Variants in NAALADL2 observed in about 807,000 individuals in gnomAD.
The protein encoded by NAALADL2 is N-acetylated alpha-linked acidic dipeptidase like 2.
Under a neutral mutation model 87.2 loss-of-function variants are expected in NAALADL2, and 76 were observed. That is an observed-to-expected ratio of 0.87 (90% CI 0.72 to 1.05). The LOEUF (loss-of-function observed/expected upper bound fraction) is 1.05, where lower values mean the gene tolerates loss of function less well. NAALADL2 is among the 50% of genes least tolerant of loss of function. NAALADL2 has a pLI of 0.00. For synonymous variants in NAALADL2, 354 were observed against 331.0 expected (o/e 1.07, Z -0.75); for missense variants, 1,089 against 945.8 (o/e 1.15, Z -1.99).
chr3:174,794,582 G>A (rs12630255), intron 3 of NAALADL2, among the ~76,000 whole-genome samples: 40,786 of 151,926 alleles, frequency 0.27, 5,801 homozygotes, highest in East Asian at 0.44. Context: ...TTTAAGTTTT[G>A]CCATCAAAGA....
At chr3:174,481,459 CTAGA>C in intron 1 of NAALADL2, among the ~76,000 whole-genome samples, 1 of 151,946 alleles carries the variant, frequency 6.6e-6, no homozygotes, top group Admixed American at 6.6e-5. Flanking sequence ...ATAAGAAATG[CTAGA>C]TAGCTCACAA....
chr3:175,296,718 T>G (rs1454052717), intron 4 of NAALADL2, among the ~76,000 whole-genome samples: 2 of 152,196 alleles, frequency 1.3e-5, no homozygotes, highest in Admixed American at 6.5e-5. Context: ...TTGAATATGC[T>G]CACGGTAAAA....
chr3:175,731,392 G>A (rs1743721497), intron 11 of NAALADL2, among the ~76,000 whole-genome samples: 1 of 152,142 alleles, frequency 6.6e-6, no homozygotes, highest in Non-Finnish European at 1.5e-5. Flanking sequence ...ACTGTTAACT[G>A]TTCTCAGTGA....
At chr3:175,457,570 A>T (rs1722501970) in intron 6 of NAALADL2, among the ~76,000 whole-genome samples, 1 of 152,046 alleles carries the variant, frequency 6.6e-6, no homozygotes. Context: ...CTGTCACTGC[A>T]GTGCAGTGGC....
intron 7 of NAALADL2, among the ~76,000 whole-genome samples, chr3:175,464,209 T>G (rs1448647516): frequency 2.6e-5 from 4 of 152,190 alleles, no homozygotes; most frequent in African/African-American, 9.7e-5. Flanking sequence ...TTGTCCAGTT[T>G]TATTCTATGT....
intron 5 of NAALADL2, among the ~76,000 whole-genome samples, chr3:175,445,541 T>C (rs112008110): frequency 8.5e-5 from 13 of 152,318 alleles, no homozygotes; most frequent in African/African-American, 2.6e-4. Flanking sequence ...ATCCATTATA[T>C]TGACTTACCA....
intron 2 of NAALADL2, among the ~76,000 whole-genome samples, chr3:174,667,845 A>G (rs762359677): frequency 6.6e-6 from 1 of 152,086 alleles, no homozygotes; most frequent in Non-Finnish European, 1.5e-5. Flanking sequence ...GAAAATAACA[A>G]TGTTTTCTTT....
At chr3:175,746,498 C>T (rs1364725085) in intron 12 of NAALADL2, among the ~76,000 whole-genome samples, 1 of 152,122 alleles carries the variant, frequency 6.6e-6, no homozygotes, top group Non-Finnish European at 1.5e-5. Flanking sequence ...AATTCCAGCT[C>T]TGGCCTGGCC....
intron 1 of NAALADL2, among the ~76,000 whole-genome samples, chr3:174,484,074 T>G (rs1237281093): frequency 1.3e-5 from 2 of 152,084 alleles, no homozygotes; most frequent in Non-Finnish European, 2.9e-5. Flanking sequence ...TGTCACAGAC[T>G]GCAAAGAGAA....
At chr3:175,685,943 A>G (rs1370749817) in intron 11 of NAALADL2, among the ~76,000 whole-genome samples, 1 of 152,208 alleles carries the variant, frequency 6.6e-6, no homozygotes. Context: ...ATGTTTGACC[A>G]AATACCTGGG....
chr3:175,792,125 CA>C (rs1271086803), intron 13 of NAALADL2, among the ~76,000 whole-genome samples: 6 of 152,116 alleles, frequency 3.9e-5, no homozygotes, highest in Non-Finnish European at 7.4e-5. Context: ...ATTAAAACCA[CA>C]ACATTTTCAT....
In NAALADL2 at chr3:175,234,202, A is replaced by G. The variant is rs1170474287; in HGVS notation, c.817A>G (p.Lys273Glu). The G allele has an allele frequency of 6.2e-6, 10 of 1,612,950 alleles. No homozygotes were observed. In the Admixed American group the frequency reaches 1.5e-4, roughly 24 times the overall value. The change falls in exon 3 of 14, where the codon AAG becomes GAG. Residue 273 changes from lysine (K) to glutamate (E), a missense_variant and splice_region_variant. Lys to Glu is a moderately conservative substitution (Grantham distance 56). Coordinates refer to ENST00000454872, the MANE Select transcript of NAALADL2 (RefSeq NM_207015.3). ...AGCCTATTCTGCCAAAGGAACTCTC[A>G]AGGTAATATGACCATTTGTCTCTGT... ...YAAYSAKGTL[K>E]AEVIDVSYGM... is the part of the protein sequence containing the mutation.
At chr3:175,632,735 T>C (rs4561847) in intron 11 of NAALADL2, among the ~76,000 whole-genome samples, 37,796 of 151,838 alleles carry the variant, frequency 0.25, 5,190 homozygotes, top group African/African-American at 0.37. Flanking sequence ...GACTTTGACA[T>C]TGGATATATG....
chr3:175,546,132 G>A (rs1209944349), intron 9 of NAALADL2, among the ~76,000 whole-genome samples: 2 of 152,068 alleles, frequency 1.3e-5, no homozygotes, highest in Admixed American at 1.3e-4. Context: ...GTGTTCACAG[G>A]ATGGATAAGA....
intron 1 of NAALADL2, among the ~76,000 whole-genome samples, chr3:175,049,895 TTTTG>T (rs1755150718): frequency 1.3e-5 from 2 of 152,254 alleles, no homozygotes; most frequent in African/African-American, 4.8e-5. Flanking sequence ...TCAAATGTTG[TTTTG>T]TTTAATATTG....
At position 174,869,611 on chromosome 3, in the gene NAALADL2, GAGTCAAGATGGAGC is replaced by G. The variant is rs1390721331; in HGVS notation, c.43+10162_43+10175del. 9.5e-4 allele frequency among the ~76,000 whole-genome samples: 145 copies of G among 152,280 alleles called. 1 individual carries two copies. Among genetic ancestry groups the G allele is most frequent in the South Asian group, 5.0e-3 (24 of 4,828 alleles). On this transcript the variant is annotated intron_variant, in intron 1 of 13. Transcript: ENST00000454872. ...GCAAAGGGTGAGTTTATTTGGCTAA[GAGTCAAGATGGAGC>G]TGTGTGTGGAGTGTTGAATCCATGA...
At chr3:174,945,952 A>G (rs1192944557) in intron 1 of NAALADL2, among the ~76,000 whole-genome samples, 1 of 148,592 alleles carries the variant, frequency 6.7e-6, no homozygotes, top group African/African-American at 2.5e-5. Context: ...AGGCTGAGGC[A>G]GGAGAATCAC....
At position 175,338,084 on chromosome 3, in the gene NAALADL2, G is replaced by C. The variant is rs1284999284; in HGVS notation, c.1090+13759G>C. 1.3e-5 allele frequency among the ~76,000 whole-genome samples: 2 copies of C among 152,164 alleles called. 1 individual carries two copies. The highest frequency in any genetic ancestry group is 4.1e-4 in the South Asian group (2 of 4,830). The stretch of plus-strand genomic sequence containing the variant: ...TGAGTTTTTAGATACACCAAGCTAT[G>C]TCAGGAGTGTGGTTCTGGTATGGAA... On this transcript the variant is annotated intron_variant, in intron 5 of 13. Transcript: ENST00000454872.
At chr3:175,781,171 C>A (rs1379937249) in intron 13 of NAALADL2, among the ~76,000 whole-genome samples, 1 of 152,138 alleles carries the variant, frequency 6.6e-6, no homozygotes, top group Non-Finnish European at 1.5e-5. Context: ...CTCCTACTTT[C>A]AAGTTATTTC....
Sources: allele counts gnomAD v4.1 joint callset (sites outside exome capture counted in the v4.1 genomes callset), GRCh38; gene constraint gnomAD v4.1.1; transcripts MANE v1.5; gene names NCBI Gene and HGNC (gene_info 2026-07-23, HGNC 2026-07-21).